TRMU: variants seen among roughly 807,000 people sequenced by gnomAD.
The protein encoded by TRMU is mitochondrial tRNA-specific 2-thiouridylase 1.
In TRMU, 49 loss-of-function variants were observed where a neutral mutation model predicts 46.9. That is an observed-to-expected ratio of 1.05 (90% CI 0.83 to 1.33). TRMU has a LOEUF of 1.33. TRMU is among the 40% of genes most tolerant of loss of function. The pLI is 0.00. For missense variants in TRMU, 572 were observed against 532.4 expected (o/e 1.07, Z -0.73); for synonymous variants, 241 against 200.9 (o/e 1.20, Z -1.69).
rs2078388044 is a variant in TRMU, at chr22:46,350,535, C to T, written c.651+72C>T. 4 of 1,569,538 alleles carry T rather than the reference C, an allele frequency of 2.5e-6. No homozygotes were observed. The South Asian group carries it at 4.5e-5, about 18-fold the overall frequency. ...GACTGCATGGCACGGAGCAGCTGGA[C>T]CTGTGGGTCCCGCACCACTTCCCCT... On this transcript the variant is annotated intron_variant, in intron 5 of 10. Transcript: ENST00000645190. The surrounding 1 kb of genome is among the most constrained non-coding windows in gnomAD (Gnocchi z 4.6).
intron 3 of TRMU, among the ~76,000 whole-genome samples, chr22:46,344,587 G>T (rs2078204146): frequency 6.6e-6 from 1 of 152,212 alleles, no homozygotes; most frequent in South Asian, 2.1e-4. Flanking sequence ...GGAAGGGAAG[G>T]CTTGCCTTTG....
At chr22:46,352,529 GGCCTCAGCTGAGATGCTGGAGTTCATGAA>G (rs2078463707) in intron 7 of TRMU, 199 bp downstream of exon 7, 11 of 649,794 alleles carry the variant, frequency 1.7e-5, no homozygotes, top group Non-Finnish European at 2.5e-5. Flanking sequence ...TTCCAGATGT[GGCCTCAGCTGAGATGCTGGAGTTCATGAA>G]AAGCGCGCCT....
Position 46,351,941 on chromosome 22 carries a change from G to A in TRMU, c.652-180G>A. 1.3e-6 allele frequency: 1 copy of A among 759,318 alleles called. No homozygotes were observed. The highest frequency in any genetic ancestry group is 2.4e-5 in the East Asian group (1 of 40,918). The allele number at this position is 759,318 out of a possible 1,614,324, so 47.0% of individuals were successfully genotyped here. A position where few individuals can be genotyped will look rare whatever the true frequency, so the allele number is the denominator to read the frequency against. The stretch of plus-strand genomic sequence containing the variant: ...ACAATGAGGCGTTCTCTAAGGCTCT[G>A]GCATCGTGTGCGCCGGCTGTGACTG... On this transcript the variant is annotated intron_variant, in intron 5 of 10. Transcript: ENST00000645190. The surrounding 1 kb of genome is among the most constrained non-coding windows in gnomAD (Gnocchi z 6.4).
At position 46,352,248 on chromosome 22, in the gene TRMU, C is replaced by T. The variant is rs988064365; in HGVS notation, c.706-16C>T. The stretch of plus-strand genomic sequence containing the variant: ...GGGCCTAGATCTCCGTCGGTAATGA[C>T]ATGTTTGTTTTCCAGTATCTGCAGC... On this transcript the variant is annotated splice_polypyrimidine_tract_variant and intron_variant, in intron 6 of 10. Coordinates refer to ENST00000645190, the MANE Select transcript of TRMU (RefSeq NM_018006.5). The T allele has an allele frequency of 1.2e-6, 2 of 1,614,026 alleles. No homozygotes were observed. Among genetic ancestry groups the T allele is most frequent in the East Asian group, 2.2e-5 (1 of 44,896 alleles).
chr22:46,353,710 G>A (rs149999704), intron 7 of TRMU, 57 bp from the exon 8 acceptor site: 129 of 1,530,350 alleles, frequency 8.4e-5, no homozygotes, highest in Admixed American at 8.4e-4. Context: ...ATGATGAGGC[G>A]TGACATGTGG....
At position 46,355,424 on chromosome 22, in the gene TRMU, C is replaced by T. The variant is rs1282833051; in HGVS notation, c.874-20C>T. The T allele has an allele frequency of 6.2e-7, 1 of 1,612,150 alleles. No individual in the cohort carries two copies. Among genetic ancestry groups the T allele is most frequent in the Admixed American group, 1.7e-5 (1 of 59,964 alleles). Reference sequence around the variant, plus strand: ...GCCAGGTGCCCCTCGGCGTCCCCACCTTCACATTCCATTCTGCAGGCCCCC... The same window carrying T: ...GCCAGGTGCCCCTCGGCGTCCCCACTTTCACATTCCATTCTGCAGGCCCCC... On this transcript the variant is annotated intron_variant, in intron 8 of 10. Transcript: ENST00000645190.
Position 46,356,845 on chromosome 22 carries a change from G to C in TRMU, c.1105G>C (p.Ala369Pro). Residue 369 changes from alanine (A) to proline (P), a missense_variant, in exon 11 of 11, where the codon GCT (alanine) becomes CCT (proline). Physicochemically the swap from Ala to Pro is conservative, Grantham distance 27 (BLOSUM62 -1). Transcript: ENST00000645190. ...TGCCAGGGTCTCTCCCCTACAGTTTGCTGTGTTCTACAAGGGGGACGAGTG... is the reference window on the plus strand; with the variant it reads ...TGCCAGGGTCTCTCCCCTACAGTTTCCTGTGTTCTACAAGGGGGACGAGTG... Reference protein sequence around the residue: ...AVRALATGQFAVFYKGDECLG... With the variant: ...AVRALATGQFPVFYKGDECLG... 1.9e-6 allele frequency: 3 copies of C among 1,613,246 alleles called. No individual in the cohort carries two copies. Among genetic ancestry groups the C allele is most frequent in the Non-Finnish European group, 2.5e-6 (3 of 1,179,874 alleles).
rs755341032 is a variant in TRMU, at chr22:46,352,249, ATGTT to A, written c.706-9_706-6del. ...GGCCTAGATCTCCGTCGGTAATGAC[ATGTT>A]TGTTTTCCAGTATCTGCAGCCTCGA... On this transcript the variant is annotated splice_polypyrimidine_tract_variant and intron_variant, in intron 6 of 10. Transcript: ENST00000645190. The A allele has an allele frequency of 6.2e-7, 1 of 1,614,118 alleles. No individual in the cohort carries two copies.
In TRMU at chr22:46,336,123, C is replaced by T; in HGVS notation, c.82+277C>T. The T allele has an allele frequency of 7.4e-6, 10 of 1,349,382 alleles. No individual in the cohort carries two copies. Among genetic ancestry groups the T allele is most frequent in the Non-Finnish European group, 9.5e-6 (10 of 1,052,000 alleles). The allele number at this position is 1,349,382 out of a possible 1,614,324, so 83.6% of individuals were successfully genotyped here. A position where few individuals can be genotyped will look rare whatever the true frequency, so the allele number is the denominator to read the frequency against. On this transcript the variant is annotated intron_variant, in intron 1 of 10. Transcript: ENST00000645190. The surrounding 1 kb of genome is among the most constrained non-coding windows in gnomAD (Gnocchi z 4.1). Reference sequence around the variant, plus strand: ...CCACCCACAGTGAGAAGCCGGCGGGCCGGGGTGGGGTGGGGAGGGAAGGGT... The same window carrying T: ...CCACCCACAGTGAGAAGCCGGCGGGTCGGGGTGGGGTGGGGAGGGAAGGGT...
intron 9 of TRMU, 165 bp from the exon 10 acceptor site, chr22:46,355,825 T>C (rs182245615): frequency 3.0e-6 from 3 of 987,504 alleles, no homozygotes; most frequent in African/African-American, 3.9e-5. Context: ...GTGTGTACAC[T>C]GCCCCGCAGT....
At chr22:46,355,931 G>A (rs1407180594) in intron 9 of TRMU, 59 bp from the exon 10 acceptor site, 1 of 1,589,004 alleles carries the variant, frequency 6.3e-7, no homozygotes, top group Admixed American at 1.7e-5. Flanking sequence ...CTCCCTGGGG[G>A]CCTGAGGTCG....
chr22:46,347,708 TCA>T lies in TRMU; in HGVS notation c.478+1167_478+1168del, dbSNP rs1377202641. Among the ~76,000 whole-genome samples, 1 of 152,208 alleles carries T rather than the reference TCA, an allele frequency of 6.6e-6. No individual in the cohort carries two copies. On this transcript the variant is annotated intron_variant, in intron 4 of 10. Coordinates refer to ENST00000645190, the MANE Select transcript of TRMU (RefSeq NM_018006.5). This position sits in a 1 kb window ranked among gnomAD's most constrained non-coding sequence, Gnocchi z 5.0. ...ATGAGGTGTATGCTCTCATCCCGTTTCACAGATGAGGAAACCGAGGCCCGGAT... is the reference window on the plus strand; with the variant it reads ...ATGAGGTGTATGCTCTCATCCCGTTTCAGATGAGGAAACCGAGGCCCGGAT...
rs1176104147 is a variant in TRMU at position 46,350,294 on chromosome 22, T to TA, written c.486dup (p.Leu163ThrfsTer6). The TA allele has an allele frequency of 6.2e-7, 1 of 1,614,230 alleles. No homozygotes were observed. Among genetic ancestry groups the TA allele is most frequent in the South Asian group, 1.1e-5 (1 of 91,078 alleles). On this transcript the variant is annotated frameshift_variant, in exon 5 of 11. Coordinates refer to ENST00000645190, the MANE Select transcript of TRMU (RefSeq NM_018006.5). LOFTEE classifies it high-confidence loss of function. The surrounding 1 kb of genome is among the most constrained non-coding windows in gnomAD (Gnocchi z 4.6). Reference sequence around the variant, plus strand: ...TTTTGTTCTTTATTCTTGGCAGCGGTAAAACTCCTCCAGGCAGCTGACAGC... The same window carrying TA: ...TTTTGTTCTTTATTCTTGGCAGCGGTAAAAACTCCTCCAGGCAGCTGACAGC...
rs1413333579 is a variant in TRMU at position 46,338,709 on chromosome 22, T to C, written c.248+765T>C. ...GGGGAGAAGAAATGCTGATTGTGTA[T>C]TTCAGGACCGTTGTAAAGTTTGGCT... On this transcript the variant is annotated intron_variant, in intron 2 of 10. Coordinates refer to ENST00000645190, the MANE Select transcript of TRMU (RefSeq NM_018006.5). The surrounding 1 kb of genome is among the most constrained non-coding windows in gnomAD (Gnocchi z 4.5). Among the ~76,000 whole-genome samples the C allele has an allele frequency of 6.6e-6, 1 of 152,236 alleles. No individual in the cohort carries two copies. The highest frequency in any genetic ancestry group is 1.9e-4 in the East Asian group (1 of 5,200).
chr22:46,355,900 C>A, intron 9 of TRMU, 90 bp from the exon 10 acceptor site: 1 of 1,451,038 alleles, frequency 6.9e-7, no homozygotes, highest in Non-Finnish European at 9.5e-7. Flanking sequence ...GGTTTTTGAC[C>A]CCGTGGGCTG....
chr22:46,336,224 CGGG>C lies in TRMU; in HGVS notation c.82+381_82+383del. ...GTGAGGGGAGCTGGGATCGCCGGGC[CGGG>C]GGCCTGACCTCTGCACACGCTGTGG... On this transcript the variant is annotated intron_variant, in intron 1 of 10. Transcript: ENST00000645190. The surrounding 1 kb of genome is among the most constrained non-coding windows in gnomAD (Gnocchi z 4.1). 9.8e-7 allele frequency: 1 copy of C among 1,017,272 alleles called. No individual in the cohort carries two copies. The highest frequency in any genetic ancestry group is 1.2e-6 in the Non-Finnish European group (1 of 819,660). 63.0% of individuals were successfully genotyped at this position (1,017,272 alleles called of 1,614,324 possible).
intron 2 of TRMU, among the ~76,000 whole-genome samples, chr22:46,340,090 G>A (rs2078081964): frequency 6.6e-6 from 1 of 152,114 alleles, no homozygotes; most frequent in Non-Finnish European, 1.5e-5. Flanking sequence ...GGACCCAGAG[G>A]ACAAGTCCAC....
intron 7 of TRMU, chr22:46,352,919 A>G (rs1024085398): frequency 3.6e-5 from 7 of 194,852 alleles, no homozygotes; most frequent in Non-Finnish European, 7.5e-5. Flanking sequence ...AGTGGCGGGG[A>G]TGTGCCTGCC....
In TRMU at chr22:46,350,201, AGTCT is replaced by A. The variant is rs2078372780; in HGVS notation, c.479-85_479-82del. The A allele has an allele frequency of 2.0e-6, 3 of 1,492,124 alleles. No homozygotes were observed. Among genetic ancestry groups the A allele is most frequent in the East Asian group, 2.3e-5 (1 of 44,198 alleles). The allele number at this position is 1,492,124 out of a possible 1,614,324, so 92.4% of individuals were successfully genotyped here. A position where few individuals can be genotyped will look rare whatever the true frequency, so the allele number is the denominator to read the frequency against. ...TGTCTGCCTCTGACAGGCTAGGGGT[AGTCT>A]GTCTAAGTGAACAGAAGGACATTGT... On this transcript the variant is annotated intron_variant, in intron 4 of 10. Coordinates refer to ENST00000645190, the MANE Select transcript of TRMU (RefSeq NM_018006.5). This position sits in a 1 kb window ranked among gnomAD's most constrained non-coding sequence, Gnocchi z 4.6.
Sources: allele counts gnomAD v4.1 joint callset (sites outside exome capture counted in the v4.1 genomes callset), GRCh38; gene constraint gnomAD v4.1.1; non-coding constraint Gnocchi (gnomAD v3.1); transcripts MANE v1.5; gene names NCBI Gene and HGNC (gene_info 2026-07-23, HGNC 2026-07-21).